STMN2: variants seen among roughly 807,000 people sequenced by gnomAD.
STMN2 encodes the protein stathmin 2, also known as stathmin-2.
In STMN2, 2 loss-of-function variants were observed where a neutral mutation model predicts 24.1. That is an observed-to-expected ratio of 0.08 (90% CI 0.03 to 0.26). The LOEUF (loss-of-function observed/expected upper bound fraction) is 0.26. Among genes scored for constraint, STMN2 ranks in the 10% least tolerant of loss-of-function variants. The probability of loss-of-function intolerance (pLI) is 1.00; values close to 1 mark genes in which losing one functional copy is unlikely to be tolerated. For missense variants in STMN2, 114 were observed against 213.6 expected (o/e 0.53, Z 2.91); for synonymous variants, 83 against 77.5 (o/e 1.07, Z -0.37).
At chr8:79,646,831 G>A (rs114032072) in intron 3 of STMN2, among the ~76,000 whole-genome samples, 67 of 152,282 alleles carry the variant, frequency 4.4e-4, no homozygotes, top group African/African-American at 1.5e-3. Context: ...TAGATAAATA[G>A]AGAAAACAGG....
At chr8:79,626,071 C>T (rs987289387) in intron 1 of STMN2, among the ~76,000 whole-genome samples, 5 of 152,202 alleles carry the variant, frequency 3.3e-5, no homozygotes, top group Non-Finnish European at 4.4e-5. Flanking sequence ...CATTACCTAA[C>T]TCAATCCTTA....
chr8:79,637,658 A>ATCACTC, intron 2 of STMN2, among the ~76,000 whole-genome samples: 1 of 152,312 alleles, frequency 6.6e-6, no homozygotes, highest in African/African-American at 2.4e-5. Context: ...AGCTCATTAT[A>ATCACTC]TCACTCTACA....
Position 79,617,248 on chromosome 8 carries a change from G to A in STMN2, c.19+6034G>A, listed in dbSNP as rs554624788. The stretch of plus-strand genomic sequence containing the variant: ...GAAGTCAACCTACAGATCAGAAAGA[G>A]GATCTTCAAGGAATAGCATCAAAGA... On this transcript the variant is annotated intron_variant, in intron 1 of 4. Coordinates refer to ENST00000220876, the MANE Select transcript of STMN2 (RefSeq NM_007029.4). 7.2e-5 allele frequency among the ~76,000 whole-genome samples: 11 copies of A among 152,286 alleles called. No individual in the cohort carries two copies. The East Asian group carries it at 2.1e-3, about 29-fold the overall frequency.
At chr8:79,652,923 G>C (rs1322298326) in intron 3 of STMN2, among the ~76,000 whole-genome samples, 6 of 152,080 alleles carry the variant, frequency 3.9e-5, no homozygotes, top group African/African-American at 1.2e-4. Context: ...GTCCCACCTA[G>C]AGGCAGGAGA....
At chr8:79,657,363 C>G (rs1806399490) in intron 4 of STMN2, among the ~76,000 whole-genome samples, 1 of 152,154 alleles carries the variant, frequency 6.6e-6, no homozygotes, top group Non-Finnish European at 1.5e-5. Context: ...TTAGTGCCCT[C>G]CCCCATACAT....
intron 4 of STMN2, among the ~76,000 whole-genome samples, chr8:79,661,542 G>T (rs746924054): frequency 1.6e-4 from 24 of 152,006 alleles, no homozygotes; most frequent in Non-Finnish European, 2.8e-4. Flanking sequence ...TATTGAACAT[G>T]TCTGATGAAT....
chr8:79,659,627 A>C (rs1016705035), intron 4 of STMN2, among the ~76,000 whole-genome samples: 1 of 152,194 alleles, frequency 6.6e-6, no homozygotes, highest in Admixed American at 6.5e-5. Context: ...AGCATGTATA[A>C]TCATTTTAAC....
intron 1 of STMN2, among the ~76,000 whole-genome samples, chr8:79,635,916 A>C (rs1809937698): frequency 6.6e-6 from 1 of 152,174 alleles, no homozygotes; most frequent in African/African-American, 2.4e-5. Flanking sequence ...AAATTAAAAA[A>C]AAAAGAAAGA....
intron 1 of STMN2, among the ~76,000 whole-genome samples, chr8:79,635,163 C>G (rs1207309749): frequency 6.6e-6 from 1 of 152,118 alleles, no homozygotes; most frequent in East Asian, 1.9e-4. Context: ...GGGCAGGAGG[C>G]TTCCTAGAGA....
chr8:79,613,916 G>T (rs1809314332), intron 1 of STMN2, among the ~76,000 whole-genome samples: 1 of 152,368 alleles, frequency 6.6e-6, no homozygotes, highest in South Asian at 2.1e-4. Flanking sequence ...TCTCTGCAAA[G>T]AATTGTTTGT....
chr8:79,657,947 G>A (rs1381478070), intron 4 of STMN2, among the ~76,000 whole-genome samples: 2 of 152,170 alleles, frequency 1.3e-5, no homozygotes, highest in Non-Finnish European at 2.9e-5. Flanking sequence ...AAAGCCAAAA[G>A]GCATGACACT....
chr8:79,625,560 A>T (rs1181019763), intron 1 of STMN2, among the ~76,000 whole-genome samples: 1 of 152,228 alleles, frequency 6.6e-6, no homozygotes, highest in African/African-American at 2.4e-5. Flanking sequence ...TGATTTGATT[A>T]TTATGACAAA....
At chr8:79,616,292 G>A (rs188485479) in intron 1 of STMN2, among the ~76,000 whole-genome samples, 1 of 152,230 alleles carries the variant, frequency 6.6e-6, no homozygotes, top group East Asian at 1.9e-4. Flanking sequence ...GTGGTTTTCT[G>A]TTTATTAGAA....
intron 1 of STMN2, among the ~76,000 whole-genome samples, chr8:79,629,995 C>T (rs535841765): frequency 1.3e-5 from 2 of 152,162 alleles, no homozygotes; most frequent in African/African-American, 4.8e-5. Context: ...ATGCTCTGAA[C>T]TTTTAATTCC....
intron 1 of STMN2, among the ~76,000 whole-genome samples, chr8:79,612,852 T>G (rs1312816266): frequency 6.6e-6 from 1 of 151,994 alleles, no homozygotes; most frequent in Admixed American, 6.5e-5. Context: ...GGAGGGGCAG[T>G]TGAGCTGTAT....
At chr8:79,619,984 A>C (rs994308436) in intron 1 of STMN2, among the ~76,000 whole-genome samples, 2 of 151,698 alleles carry the variant, frequency 1.3e-5, no homozygotes, top group African/African-American at 4.8e-5. Context: ...ATCTATCTAT[A>C]TGGGACCTTG....
intron 1 of STMN2, among the ~76,000 whole-genome samples, chr8:79,619,100 C>T (rs1397395069): frequency 2.0e-5 from 3 of 151,140 alleles, no homozygotes; most frequent in African/African-American, 7.3e-5. Context: ...TGTAAAGCAA[C>T]GCCTGCAAGA....
chr8:79,641,671 CATACAG>C, intron 3 of STMN2, 121 bp downstream of exon 3: 1 of 743,092 alleles, frequency 1.3e-6, no homozygotes, highest in Non-Finnish European at 2.0e-6. Flanking sequence ...CACACACACA[CATACAG>C]AGAGCAATGA....
chr8:79,611,396 A>G lies in STMN2; in HGVS notation c.19+182A>G, dbSNP rs550956740. ...GAGGGCAGAGAAGAGGTCTATGGAA[A>G]TCTAAAGCGAAGAATTTCTTTTAAA... On this transcript the variant is annotated intron_variant, in intron 1 of 4. Coordinates refer to ENST00000220876, the MANE Select transcript of STMN2 (RefSeq NM_007029.4). Among the ~76,000 whole-genome samples, 3 of 152,274 alleles carry G rather than the reference A, an allele frequency of 2.0e-5. No homozygotes were observed. The South Asian group carries it at 6.2e-4, about 32-fold the overall frequency.
Sources: gnomAD v4.1 joint callset for allele counts (sites outside exome capture counted in the v4.1 genomes callset) on GRCh38, gnomAD v4.1.1 for gene constraint, MANE v1.5 for transcripts, NCBI Gene and HGNC (gene_info 2026-07-23, HGNC 2026-07-21) for gene names.